The following LARP4 variants were observed in gnomAD, a reference collection of about 807,000 sequenced individuals.
LARP4 encodes the protein La ribonucleoprotein 4, also known as la-related protein 4.
In LARP4, 29 loss-of-function variants were observed where a neutral mutation model predicts 92.9. That is an observed-to-expected ratio of 0.31 (90% CI 0.23 to 0.43). The LOEUF is 0.43. LARP4 is among the 20% of genes least tolerant of loss of function. The pLI is 1.00. For missense variants in LARP4, 732 were observed against 860.0 expected (o/e 0.85, Z 1.86); for synonymous variants, 279 against 284.1 (o/e 0.98, Z 0.18).
intron 6 of LARP4, among the ~76,000 whole-genome samples, chr12:50,438,529 C>G (rs1423491216): frequency 6.6e-6 from 1 of 151,838 alleles, no homozygotes; most frequent in Non-Finnish European, 1.5e-5. Context: ...AGGACTAACC[C>G]TATTGTTCAG....
intron 12 of LARP4, among the ~76,000 whole-genome samples, chr12:50,463,922 T>C (rs1430745332): frequency 1.3e-5 from 2 of 152,136 alleles, no homozygotes; most frequent in African/African-American, 2.4e-5. Flanking sequence ...TCTGGACTTA[T>C]ACCAGGCTGG....
chr12:50,471,783 A>G (rs1280155526), intron 13 of LARP4, among the ~76,000 whole-genome samples: 1 of 152,162 alleles, frequency 6.6e-6, no homozygotes, highest in Non-Finnish European at 1.5e-5. Flanking sequence ...TCGGCCTCCC[A>G]AAGTGCTAGG....
At chr12:50,450,776 C>T (rs1175104408) in intron 8 of LARP4, among the ~76,000 whole-genome samples, 1 of 152,202 alleles carries the variant, frequency 6.6e-6, no homozygotes, top group African/African-American at 2.4e-5. Context: ...GCTAGGATTA[C>T]AGGCATGAGC....
intron 8 of LARP4, among the ~76,000 whole-genome samples, chr12:50,448,275 G>T (rs564193453): frequency 1.3e-5 from 2 of 152,086 alleles, no homozygotes; most frequent in Admixed American, 6.6e-5. Context: ...GTTCTTAAGT[G>T]TACAGTTTAG....
At chr12:50,455,211 A>G (rs1593285214) in intron 10 of LARP4, among the ~76,000 whole-genome samples, 1 of 152,268 alleles carries the variant, frequency 6.6e-6, no homozygotes, top group African/African-American at 2.4e-5. Flanking sequence ...TATTTGGTGT[A>G]TGTTATGGCT....
At chr12:50,440,351 G>T in intron 6 of LARP4, 88 bp from the exon 7 acceptor site, 1 of 895,552 alleles carries the variant, frequency 1.1e-6, no homozygotes, top group South Asian at 1.4e-5. Context: ...CATGAAGATA[G>T]GCTTAACATT....
At chr12:50,419,857 A>G (rs1947441724) in intron 1 of LARP4, among the ~76,000 whole-genome samples, 1 of 152,136 alleles carries the variant, frequency 6.6e-6, no homozygotes, top group East Asian at 1.9e-4. Context: ...GTGAGCTGTG[A>G]TCACGCCCCT....
rs191714804 is a variant in LARP4, at chr12:50,411,391, C to G, written c.18+10363C>G. On this transcript the variant is annotated intron_variant, in intron 1 of 15. Transcript: ENST00000398473. ...TTGAGATGGATTTTTGCTCTGTTGC[C>G]TAGGCTGGAGTGCAGTGGCACAATC... Among the ~76,000 whole-genome samples the G allele has an allele frequency of 8.0e-4, 122 of 152,158 alleles. 2 individuals carry two copies. The highest frequency in any genetic ancestry group is 2.7e-3 in the African/African-American group (114 of 41,512).
rs200197282 is a variant in LARP4 at position 50,426,681 on chromosome 12, T to TGGG, written c.19-1079_19-1077dup. Among the ~76,000 whole-genome samples, 53 of 109,364 alleles carry TGGG rather than the reference T, an allele frequency of 4.8e-4. 1 individual carries two copies. Among genetic ancestry groups the TGGG allele is most frequent in the African/African-American group, 2.0e-3 (50 of 24,554 alleles). 71.7% of individuals were successfully genotyped at this position (109,364 alleles called of 152,430 possible). On this transcript the variant is annotated intron_variant, in intron 1 of 15. Coordinates refer to ENST00000398473, the MANE Select transcript of LARP4 (RefSeq NM_052879.5). The stretch of plus-strand genomic sequence containing the variant: ...TAGGCATGGAACAGGGCATTATGTT[T>TGGG]GGGGTGTGTGTGTGTGTGTGTGTGT...
At chr12:50,436,051 CTGTGTG>C (rs57676021) in intron 5 of LARP4, among the ~76,000 whole-genome samples, 4,541 of 137,664 alleles carry the variant, frequency 0.033, 255 homozygotes, top group African/African-American at 0.12. Context: ...TTTACTGACT[CTGTGTG>C]TGTGTGTGTG....
rs763283306 is a variant in LARP4, at chr12:50,472,278, T to TTA, written c.1546-1136_1546-1135dup. On this transcript the variant is annotated intron_variant, in intron 13 of 15. Transcript: ENST00000398473. ...TGGTTGTGCACCTAAGCTCCAGAACTTACAATCTTTCAAGACTAAAACTCT... is the reference window on the plus strand; with the variant it reads ...TGGTTGTGCACCTAAGCTCCAGAACTTATACAATCTTTCAAGACTAAAACTCT... Among the ~76,000 whole-genome samples, 91 of 152,300 alleles carry TTA rather than the reference T, an allele frequency of 6.0e-4. No individual in the cohort carries two copies. The Middle Eastern group carries it at 0.018, about 29-fold the overall frequency.
intron 4 of LARP4, among the ~76,000 whole-genome samples, chr12:50,431,127 G>T (rs1949592231): frequency 6.6e-6 from 1 of 152,052 alleles, no homozygotes; most frequent in South Asian, 2.1e-4. Flanking sequence ...AATTAGCGGG[G>T]CATGGTGGTG....
chr12:50,411,187 CTTT>C (rs11441189), intron 1 of LARP4, among the ~76,000 whole-genome samples: 1 of 139,010 alleles, frequency 7.2e-6, no homozygotes, highest in Non-Finnish European at 1.6e-5. Flanking sequence ...CTAGTTGATT[CTTT>C]TTTTTTTTTT....
intron 4 of LARP4, among the ~76,000 whole-genome samples, chr12:50,431,233 G>A (rs1434307967): frequency 4.6e-5 from 7 of 151,954 alleles, no homozygotes; most frequent in East Asian, 2.0e-4. Flanking sequence ...GCACCATTGC[G>A]CTCCAGCCTG....
rs777682982 is a variant in LARP4 at position 50,428,918 on chromosome 12, GTC to G, written c.167-15_167-14del. On this transcript the variant is annotated splice_polypyrimidine_tract_variant and intron_variant, in intron 2 of 15. Transcript: ENST00000398473. The stretch of plus-strand genomic sequence containing the variant: ...TAAATAATTCCCATTTACTTTCAGT[GTC>G]TGTCTTTAATACAGGTAATGCAGAG... 2 of 1,538,662 alleles carry G rather than the reference GTC, an allele frequency of 1.3e-6. No homozygotes were observed. Among genetic ancestry groups the G allele is most frequent in the Non-Finnish European group, 1.8e-6 (2 of 1,140,994 alleles).
chr12:50,459,356 T>G (rs1234573015), intron 10 of LARP4, among the ~76,000 whole-genome samples: 1 of 152,092 alleles, frequency 6.6e-6, no homozygotes, highest in Non-Finnish European at 1.5e-5. Context: ...ATTACTCCCC[T>G]AAACAGCCTT....
chr12:50,442,066 A>G (rs529210481), intron 8 of LARP4, among the ~76,000 whole-genome samples: 5 of 152,254 alleles, frequency 3.3e-5, no homozygotes, highest in Non-Finnish European at 7.4e-5. Flanking sequence ...AACAACAACA[A>G]ATTTTCTGGC....
chr12:50,402,829 T>C (rs1427957466), intron 1 of LARP4: 1 of 454,736 alleles, frequency 2.2e-6, no homozygotes, highest in Non-Finnish European at 4.4e-6. Flanking sequence ...ACAAATTCTA[T>C]CGTATCTCTC....
chr12:50,445,895 G>C (rs1007055725), intron 8 of LARP4, among the ~76,000 whole-genome samples: 1 of 151,966 alleles, frequency 6.6e-6, no homozygotes, highest in Admixed American at 6.6e-5. Flanking sequence ...TCTGACATCT[G>C]GGTCATCTTG....
Sources: allele counts gnomAD v4.1 joint callset (sites outside exome capture counted in the v4.1 genomes callset), GRCh38; gene constraint gnomAD v4.1.1; transcripts MANE v1.5; gene names NCBI Gene and HGNC (gene_info 2026-07-23, HGNC 2026-07-21).